ELAVL4: variants seen among roughly 807,000 people sequenced by gnomAD.
ELAVL4 encodes the protein ELAV-like protein 4.
Under a neutral mutation model 35.6 loss-of-function variants are expected in ELAVL4, and 1 was observed. The ratio of observed to expected loss-of-function variants is 0.03; its 90% CI spans 0.01 to 0.13. The LOEUF (loss-of-function observed/expected upper bound fraction) is 0.13. Ranked by LOEUF, ELAVL4 falls within the 10% of genes least tolerant of loss-of-function variation. ELAVL4 has a pLI of 1.00. For synonymous variants in ELAVL4, 156 were observed against 171.0 expected, an observed-to-expected ratio of 0.91 and a Z score of 0.69; for missense variants, 267 against 464.9, an observed-to-expected ratio of 0.57 and a Z score of 3.91.
upstream of ELAVL4, chr1:50,106,274 C>T: frequency 6.2e-7 from 1 of 1,602,192 alleles, no homozygotes; most frequent in East Asian, 2.2e-5. Context: ...CTGCCGGCGA[C>T]TGATGCTGAG....
chr1:50,116,117 C>T (rs765804715), intron 1 of ELAVL4, among the ~76,000 whole-genome samples: 13 of 152,126 alleles, frequency 8.5e-5, no homozygotes, highest in Non-Finnish European at 1.9e-4. Flanking sequence ...CATGTGTCCA[C>T]ATCTTCAGCC....
intron 1 of ELAVL4, among the ~76,000 whole-genome samples, chr1:50,086,733 G>A (rs1665263123): frequency 6.6e-6 from 1 of 151,974 alleles, no homozygotes; most frequent in African/African-American, 2.4e-5. Context: ...TACCACCCTG[G>A]GAGTGGTGCA....
intron 2 of ELAVL4, among the ~76,000 whole-genome samples, chr1:50,145,997 A>C (rs1673638381): frequency 1.3e-5 from 2 of 152,182 alleles, no homozygotes; most frequent in African/African-American, 4.8e-5. Flanking sequence ...TTTTCTTGGA[A>C]TATATTAGGC....
At chr1:50,161,986 T>A (rs1162326172) in intron 2 of ELAVL4, among the ~76,000 whole-genome samples, 1 of 152,262 alleles carries the variant, frequency 6.6e-6, no homozygotes, top group African/African-American at 2.4e-5. Flanking sequence ...ATTTTCATGT[T>A]CAGAGACATC....
chr1:50,060,918 A>G (rs1000155666), intron 1 of ELAVL4, among the ~76,000 whole-genome samples: 3 of 152,178 alleles, frequency 2.0e-5, no homozygotes, highest in Non-Finnish European at 4.4e-5. Context: ...TTTTTCTTCT[A>G]TTTCCCTTGT....
intron 1 of ELAVL4, among the ~76,000 whole-genome samples, chr1:50,090,079 A>G (rs1665422671): frequency 6.6e-6 from 1 of 152,192 alleles, no homozygotes; most frequent in African/African-American, 2.4e-5. Flanking sequence ...AAGGTCTGCC[A>G]CAGAGGACAG....
chr1:50,083,264 G>T (rs1336957671), intron 1 of ELAVL4, among the ~76,000 whole-genome samples: 1 of 151,906 alleles, frequency 6.6e-6, no homozygotes, highest in Non-Finnish European at 1.5e-5. Context: ...CTGGGTATTG[G>T]TTTGTTGTCC....
At chr1:50,140,370 T>C (rs1242994336) in intron 1 of ELAVL4, among the ~76,000 whole-genome samples, 1 of 152,272 alleles carries the variant, frequency 6.6e-6, no homozygotes, top group Non-Finnish European at 1.5e-5. Context: ...ATGTGCTTTC[T>C]ACCAACACAC....
At chr1:50,200,792 G>T in intron 6 of ELAVL4, 59 bp from the exon 7 acceptor site, 2 of 1,583,554 alleles carry the variant, frequency 1.3e-6, no homozygotes, top group Non-Finnish European at 1.7e-6. Flanking sequence ...GTGCATCTGT[G>T]TGTTATCCTT....
At position 50,084,536 on chromosome 1, in the gene ELAVL4, C is replaced by T. The variant is rs78311549; in HGVS notation, c.18+36354C>T. ...CTTCACATAATGGTATAAGCATTTTCCTTATATAATATGGCTCTGCCTCCC... is the reference window on the plus strand; with the variant it reads ...CTTCACATAATGGTATAAGCATTTTTCTTATATAATATGGCTCTGCCTCCC... On this transcript the variant is annotated intron_variant, in intron 1 of 6. Transcript: ENST00000448907. 3.9e-3 allele frequency among the ~76,000 whole-genome samples: 600 copies of T among 152,206 alleles called. 6 individuals are homozygous for T. Among genetic ancestry groups the T allele is most frequent in the African/African-American group, 0.014 (566 of 41,540 alleles).
At chr1:50,055,019 T>C (rs945063938) in intron 1 of ELAVL4, among the ~76,000 whole-genome samples, 6 of 152,240 alleles carry the variant, frequency 3.9e-5, no homozygotes, top group Non-Finnish European at 5.9e-5. Flanking sequence ...TCTCTCTCTC[T>C]ATGGGTTCTC....
At chr1:50,183,073 G>C (rs1365177916) in intron 3 of ELAVL4, among the ~76,000 whole-genome samples, 1 of 151,994 alleles carries the variant, frequency 6.6e-6, no homozygotes, top group Non-Finnish European at 1.5e-5. Context: ...GGCCAGGCTG[G>C]TCTCAAACTC....
chr1:50,165,576 G>A (rs963322787), intron 2 of ELAVL4, among the ~76,000 whole-genome samples: 5 of 146,180 alleles, frequency 3.4e-5, no homozygotes, highest in African/African-American at 7.5e-5. Flanking sequence ...ACACATACAC[G>A]TATATATGTA....
intron 1 of ELAVL4, among the ~76,000 whole-genome samples, chr1:50,050,155 G>A (rs906355698): frequency 4.6e-5 from 7 of 152,174 alleles, no homozygotes; most frequent in African/African-American, 1.7e-4. Context: ...GATACATGGG[G>A]TTAATACCAA....
intron 1 of ELAVL4, among the ~76,000 whole-genome samples, chr1:50,111,192 A>G (rs1407816959): frequency 6.6e-6 from 1 of 150,760 alleles, no homozygotes; most frequent in Non-Finnish European, 1.5e-5. Context: ...GTTGTTTAAA[A>G]AACCCAGAGA....
chr1:50,107,169 G>A (rs1473486400), upstream of ELAVL4, among the ~76,000 whole-genome samples: 1 of 152,158 alleles, frequency 6.6e-6, no homozygotes, highest in Non-Finnish European at 1.5e-5. Flanking sequence ...ACTTTAACCT[G>A]TGAATTCACC....
intron 1 of ELAVL4, among the ~76,000 whole-genome samples, chr1:50,091,741 A>G (rs1175385650): frequency 6.6e-6 from 1 of 152,190 alleles, no homozygotes; most frequent in Non-Finnish European, 1.5e-5. Context: ...ACCATGTTGT[A>G]TTGAAACAAC....
intron 1 of ELAVL4, among the ~76,000 whole-genome samples, chr1:50,124,804 A>C (rs543083420): frequency 6.6e-6 from 1 of 152,056 alleles, no homozygotes. Context: ...TCCACTCCCT[A>C]TGCCTCAACA....
At chr1:50,065,604 C>T (rs950630111) in intron 1 of ELAVL4, among the ~76,000 whole-genome samples, 1 of 152,038 alleles carries the variant, frequency 6.6e-6, no homozygotes, top group African/African-American at 2.4e-5. Context: ...TAGTATGTCT[C>T]GGGGTGGACT....
Sources: allele counts gnomAD v4.1 joint callset (sites outside exome capture counted in the v4.1 genomes callset), GRCh38; gene constraint gnomAD v4.1.1; transcripts MANE v1.5; gene names NCBI Gene and HGNC (gene_info 2026-07-23, HGNC 2026-07-21).